Variants in MLIP observed in about 807,000 individuals in gnomAD.
MLIP encodes muscular LMNA-interacting protein.
Under a neutral mutation model 84.8 loss-of-function variants are expected in MLIP, and 79 were observed. That is an observed-to-expected ratio of 0.93 (90% CI 0.78 to 1.12). The LOEUF (loss-of-function observed/expected upper bound fraction) is 1.12. Among genes scored for constraint, MLIP ranks in the 50% most tolerant of loss-of-function variants. The probability of loss-of-function intolerance (pLI) is 0.00; values close to 1 mark genes in which losing one functional copy is unlikely to be tolerated. For missense variants in MLIP, 1,257 were observed against 1,160.6 expected (o/e 1.08, Z -1.21); for synonymous variants, 504 against 463.0 (o/e 1.09, Z -1.14).
At chr6:54,057,566 T>C (rs1765732838) in intron 1 of MLIP, among the ~76,000 whole-genome samples, 1 of 152,176 alleles carries the variant, frequency 6.6e-6, no homozygotes, top group African/African-American at 2.4e-5. Flanking sequence ...ATATAGACCT[T>C]CTCAAACTTT....
chr6:54,150,168 G>A (rs12526244), intron 5 of MLIP, among the ~76,000 whole-genome samples: 8 of 152,226 alleles, frequency 5.3e-5, no homozygotes, highest in Admixed American at 5.2e-4. Context: ...ATTGTTAGTG[G>A]AACAAGTAGT....
At chr6:54,113,917 T>C (rs146994660) in intron 1 of MLIP, among the ~76,000 whole-genome samples, 52 of 152,290 alleles carry the variant, frequency 3.4e-4, no homozygotes, top group Middle Eastern at 3.4e-3. Context: ...TTAATTTCCT[T>C]ATACTTGCCA....
intron 4 of MLIP, among the ~76,000 whole-genome samples, chr6:54,140,039 C>A (rs1170038356): frequency 6.6e-6 from 1 of 151,948 alleles, no homozygotes; most frequent in African/African-American, 2.4e-5. Context: ...GGTAAATTGA[C>A]CTGTTTATTA....
intron 1 of MLIP, among the ~76,000 whole-genome samples, chr6:54,049,951 T>C (rs533717603): frequency 1.4e-4 from 21 of 152,312 alleles, no homozygotes; most frequent in Middle Eastern, 6.8e-3. Flanking sequence ...GGTTGAAATG[T>C]TGGTGACAGT....
intron 12 of MLIP, among the ~76,000 whole-genome samples, chr6:54,232,210 T>C (rs2150808510): frequency 6.6e-6 from 1 of 152,282 alleles, no homozygotes; most frequent in South Asian, 2.1e-4. Context: ...TTAATAATTC[T>C]GATAATACTA....
At chr6:54,021,429 A>C (rs761663062) in intron 1 of MLIP, among the ~76,000 whole-genome samples, 18 of 152,296 alleles carry the variant, frequency 1.2e-4, no homozygotes, top group Non-Finnish European at 2.4e-4. Flanking sequence ...AGCAATATGT[A>C]TTATTGGGTT....
intron 1 of MLIP, among the ~76,000 whole-genome samples, chr6:54,077,946 G>A (rs1187368965): frequency 6.6e-6 from 1 of 152,108 alleles, no homozygotes; most frequent in Non-Finnish European, 1.5e-5. Flanking sequence ...TCAAAATCAA[G>A]TTTCTATATC....
intron 1 of MLIP, among the ~76,000 whole-genome samples, chr6:54,094,281 T>TTA (rs1768060537): frequency 1.3e-5 from 2 of 148,436 alleles, no homozygotes; most frequent in South Asian, 4.2e-4. Context: ...TGCTGTAAGA[T>TTA]AAAAAAAAAA....
At chr6:54,184,315 CA>C (rs946144386) in intron 9 of MLIP, among the ~76,000 whole-genome samples, 1 of 152,116 alleles carries the variant, frequency 6.6e-6, no homozygotes, top group African/African-American at 2.4e-5. Flanking sequence ...GCAAAAAAAG[CA>C]TGCTAAAAGT....
chr6:54,181,427 G>C (rs1210779219), intron 9 of MLIP, among the ~76,000 whole-genome samples: 1 of 151,844 alleles, frequency 6.6e-6, no homozygotes. Context: ...GCTCCCTTCT[G>C]GCCCAGGGCT....
chr6:54,186,428 G>A (rs1272308022), intron 9 of MLIP, among the ~76,000 whole-genome samples: 2 of 152,112 alleles, frequency 1.3e-5, no homozygotes, highest in Non-Finnish European at 2.9e-5. Context: ...GTAATCCCTG[G>A]ATGCCATAAA....
At chr6:54,164,467 TTTA>T (rs1405629660) in intron 8 of MLIP, among the ~76,000 whole-genome samples, 1 of 151,986 alleles carries the variant, frequency 6.6e-6, no homozygotes, top group Non-Finnish European at 1.5e-5. Flanking sequence ...CTAAATCAGA[TTTA>T]TTGAGGTAAT....
chr6:54,052,554 G>C (rs372776599), intron 1 of MLIP, among the ~76,000 whole-genome samples: 4 of 152,070 alleles, frequency 2.6e-5, no homozygotes, highest in Admixed American at 2.0e-4. Context: ...TAACTGAAAT[G>C]GTTCATAATT....
intron 9 of MLIP, among the ~76,000 whole-genome samples, chr6:54,173,229 G>C (rs1007212202): frequency 6.6e-6 from 1 of 151,612 alleles, no homozygotes; most frequent in African/African-American, 2.4e-5. Flanking sequence ...ACCCAACCCA[G>C]ATTTTCTTCA....
rs1771891294 is a variant in MLIP at position 54,137,275 on chromosome 6, A to G, written c.1206A>G (p.Ser402=). The G allele has an allele frequency of 1.6e-5, 25 of 1,535,828 alleles. No individual in the cohort carries two copies. Among genetic ancestry groups the G allele is most frequent in the Non-Finnish European group, 2.0e-5 (23 of 1,146,880 alleles). Residue 402 remains serine (S), a synonymous_variant, in exon 4 of 14, where the codon TCA becomes TCG. Transcript: ENST00000502396. ...CSQMSSSGNL[S]KSGVKSPVPS... The stretch of plus-strand genomic sequence containing the variant: ...AAATGTCATCTAGTGGAAATCTTTC[A>G]AAGTCAGGGGTAAAATCCCCGGTGC...
intron 1 of MLIP, among the ~76,000 whole-genome samples, chr6:54,118,105 A>T (rs1421358203): frequency 1.3e-5 from 2 of 152,232 alleles, no homozygotes; most frequent in East Asian, 3.8e-4. Flanking sequence ...ACCCCAAGTG[A>T]TCTACAGATT....
At chr6:54,120,036 T>G (rs1465757423) in intron 1 of MLIP, among the ~76,000 whole-genome samples, 1 of 152,148 alleles carries the variant, frequency 6.6e-6, no homozygotes, top group Admixed American at 6.5e-5. Flanking sequence ...ATAGATATGT[T>G]CAGTTCATTA....
At chr6:54,111,704 A>T in intron 1 of MLIP, 129 bp downstream of exon 1, 1 of 942,208 alleles carries the variant, frequency 1.1e-6, no homozygotes, top group Non-Finnish European at 1.6e-6. Context: ...TATTGAAATG[A>T]AATGCTATCT....
At chr6:54,124,972 A>G in intron 3 of MLIP, 107 bp downstream of exon 3, 1 of 911,922 alleles carries the variant, frequency 1.1e-6, no homozygotes, top group Non-Finnish European at 1.6e-6. Context: ...CAAAACTTTC[A>G]AAGAAAAATA....
Sources: allele counts gnomAD v4.1 joint callset (sites outside exome capture counted in the v4.1 genomes callset), GRCh38; gene constraint gnomAD v4.1.1; transcripts MANE v1.5; gene names NCBI Gene and HGNC (gene_info 2026-07-23, HGNC 2026-07-21).